GTPBP1: variants seen among roughly 807,000 people sequenced by gnomAD.
The protein encoded by GTPBP1 is GTP-binding protein 1.
A neutral mutation model predicts 62.0 loss-of-function variants in GTPBP1; 23 were observed. The ratio of observed to expected loss-of-function variants is 0.37; its 90% confidence interval spans 0.27 to 0.53. The LOEUF is 0.53. Among genes scored for constraint, GTPBP1 ranks in the 20% least tolerant of loss-of-function variants. The pLI is 0.89. For missense variants in GTPBP1, 640 were observed against 917.3 expected, an observed-to-expected ratio of 0.70 and a Z score of 3.90; for synonymous variants, 344 against 364.4, an observed-to-expected ratio of 0.94 and a Z score of 0.64.
chr22:38,742,203 C>G, downstream of GTPBP1: 1 of 1,447,946 alleles, frequency 6.9e-7, no homozygotes, highest in Non-Finnish European at 9.3e-7. Flanking sequence ...GCAGAGCTGT[C>G]TGATCCCAAA....
At position 38,727,770 on chromosome 22, in the gene GTPBP1, G is replaced by A. The variant is rs977655230; in HGVS notation, c.1538-213G>A. On this transcript the variant is annotated intron_variant, in intron 9 of 11. Coordinates refer to ENST00000216044, the MANE Select transcript of GTPBP1 (RefSeq NM_004286.5). This position sits in a 1 kb window ranked among gnomAD's most constrained non-coding sequence, Gnocchi z 6.5. ...TTGTCTGCCCAGGGCCTGGGGGTGG[G>A]GGATGACGGGTGGGCATTAGCTGGA... Among the ~76,000 whole-genome samples the A allele has an allele frequency of 5.9e-5, 9 of 152,186 alleles. No individual in the cohort carries two copies. The highest frequency in any genetic ancestry group is 9.7e-5 in the African/African-American group (4 of 41,444).
intron 1 of GTPBP1, chr22:38,706,495 C>T (rs1219067196): frequency 1.1e-5 from 2 of 189,690 alleles, no homozygotes; most frequent in Non-Finnish European, 2.2e-5. Flanking sequence ...TGCCCCTCCC[C>T]GTTCTTCGGG....
chr22:38,715,230 C>T (rs1412060349), intron 2 of GTPBP1, among the ~76,000 whole-genome samples: 1 of 152,234 alleles, frequency 6.6e-6, no homozygotes, highest in Admixed American at 6.5e-5. Context: ...TCCCCTGCCT[C>T]AGCCTACGGG....
At chr22:38,737,913 C>T (rs1222474531), downstream of GTPBP1, 4 of 662,734 alleles carry the variant, frequency 6.0e-6, no homozygotes, top group Middle Eastern at 2.4e-4. This position sits in a 1 kb window ranked among gnomAD's most constrained non-coding sequence, Gnocchi z 4.1. Flanking sequence ...CACCCAACCC[C>T]TCTTGTGTAA....
chr22:38,738,108 A>C (rs763930420), downstream of GTPBP1: 1 of 1,456,534 alleles, frequency 6.9e-7, no homozygotes, highest in African/African-American at 1.4e-5. This position sits in a 1 kb window ranked among gnomAD's most constrained non-coding sequence, Gnocchi z 6.6. Context: ...GTAAGTGCCC[A>C]GGGAGCACCT....
chr22:38,734,289 C>T (rs958211510), downstream of GTPBP1: 1 of 467,206 alleles, frequency 2.1e-6, no homozygotes, highest in African/African-American at 2.0e-5. Context: ...AAGCTGCTGG[C>T]TGTTCAAGGG....
downstream of GTPBP1, chr22:38,735,368 A>G (rs956270603): frequency 7.8e-6 from 3 of 385,518 alleles, no homozygotes; most frequent in East Asian, 7.5e-5. Context: ...GAACGTCCCC[A>G]CAAGAGCCCA....
chr22:38,740,589 T>C, downstream of GTPBP1: 1 of 766,762 alleles, frequency 1.3e-6, no homozygotes, highest in Non-Finnish European at 2.0e-6. This position sits in a 1 kb window ranked among gnomAD's most constrained non-coding sequence, Gnocchi z 4.8. Context: ...CTCCTGGGGG[T>C]TCTGGCTGCA....
In GTPBP1 at chr22:38,731,371, T is replaced by A. The variant is rs2092759513; in HGVS notation, c.*667T>A. 1 of 152,558 alleles carries A rather than the reference T, an allele frequency of 6.6e-6. No individual in the cohort carries two copies. Among genetic ancestry groups the A allele is most frequent in the Non-Finnish European group, 1.5e-5 (1 of 68,170 alleles). 9.5% of individuals were successfully genotyped at this position (152,558 alleles called of 1,614,324 possible). ...TCCTTTTTCCCTTTAAGCCCACAGATTCAGGTCATGCCAAAAGCTCTCTGG... is the reference window on the plus strand; with the variant it reads ...TCCTTTTTCCCTTTAAGCCCACAGAATCAGGTCATGCCAAAAGCTCTCTGG... On this transcript the variant is annotated 3_prime_UTR_variant, in exon 12 of 12. Transcript: ENST00000216044.
chr22:38,738,334 C>A, downstream of GTPBP1: 1 of 1,365,848 alleles, frequency 7.3e-7, no homozygotes, highest in East Asian at 2.3e-5. The surrounding 1 kb of genome is among the most constrained non-coding windows in gnomAD (Gnocchi z 6.6). Flanking sequence ...ACTCCAATCC[C>A]TGCTCCTCCC....
chr22:38,723,459 G>A, intron 5 of GTPBP1: 1 of 1,064,726 alleles, frequency 9.4e-7, no homozygotes, highest in Non-Finnish European at 1.4e-6. Context: ...GCACTCACAT[G>A]TCGGGCAGCC....
chr22:38,735,072 C>G, downstream of GTPBP1: 1 of 333,148 alleles, frequency 3.0e-6, no homozygotes, highest in Non-Finnish European at 5.9e-6. Context: ...AGGAATCAAG[C>G]CCTTAGCTTT....
At chr22:38,706,297 G>A (rs1277893228) in intron 1 of GTPBP1, 150 bp downstream of exon 1, 4 of 470,892 alleles carry the variant, frequency 8.5e-6, no homozygotes, top group Non-Finnish European at 1.0e-5. Context: ...TAGTCTCCGG[G>A]ACGTGCGGGG....
rs539581066 is a variant in GTPBP1, at chr22:38,713,816, T to A, written c.305-2091T>A. Among the ~76,000 whole-genome samples the A allele has an allele frequency of 1.9e-4, 29 of 152,334 alleles. 1 individual carries two copies. The South Asian group carries it at 5.6e-3, about 29-fold the overall frequency. ...GCTGTTGTTTAAAAGAGGGTTGGGT[T>A]GGGTGTTGAGTTTGGATATCAGACT... On this transcript the variant is annotated intron_variant, in intron 2 of 11. Coordinates refer to ENST00000216044, the MANE Select transcript of GTPBP1 (RefSeq NM_004286.5).
downstream of GTPBP1, chr22:38,738,801 C>T (rs762142084): frequency 2.5e-6 from 4 of 1,603,420 alleles, no homozygotes; most frequent in East Asian, 6.7e-5. This position sits in a 1 kb window ranked among gnomAD's most constrained non-coding sequence, Gnocchi z 6.6. Context: ...GAGTCCAGCT[C>T]TTGCTGACCC....
chr22:38,720,372 A>T (rs1243396369), intron 4 of GTPBP1, among the ~76,000 whole-genome samples: 1 of 148,794 alleles, frequency 6.7e-6, no homozygotes, highest in African/African-American at 2.5e-5. Flanking sequence ...GGCAACTGCC[A>T]CCACATGCAG....
downstream of GTPBP1, chr22:38,740,886 T>C (rs2145962405): frequency 8.8e-7 from 1 of 1,131,988 alleles, no homozygotes; most frequent in East Asian, 2.6e-5. The surrounding 1 kb of genome is among the most constrained non-coding windows in gnomAD (Gnocchi z 4.8). Context: ...CCCCTCCCCC[T>C]ACCATCTGCT....
At chr22:38,729,218 G>A (rs142460873) in intron 10 of GTPBP1, 6 of 396,516 alleles carry the variant, frequency 1.5e-5, no homozygotes, top group African/African-American at 1.2e-4. Flanking sequence ...TCTGGGCTGG[G>A]CAGAGGCAGG....
chr22:38,712,443 G>A (rs987627902), intron 2 of GTPBP1, among the ~76,000 whole-genome samples: 1 of 152,164 alleles, frequency 6.6e-6, no homozygotes, highest in Non-Finnish European at 1.5e-5. Context: ...CAGATTCTGA[G>A]GGTCCTTAAA....
Sources: gnomAD v4.1 joint callset for allele counts (sites outside exome capture counted in the v4.1 genomes callset) on GRCh38, gnomAD v4.1.1 for gene constraint, Gnocchi (gnomAD v3.1) non-coding constraint, MANE v1.5 for transcripts, NCBI Gene and HGNC (gene_info 2026-07-23, HGNC 2026-07-21) for gene names.